Variants in RFX3 observed in about 807,000 individuals in gnomAD.
RFX3 encodes regulatory factor X3, also known as transcription factor RFX3.
A neutral mutation model predicts 98.6 loss-of-function variants in RFX3; 14 were observed. That is an observed-to-expected ratio of 0.14 (90% CI 0.09 to 0.22). The LOEUF is 0.22. Among genes scored for constraint, RFX3 ranks in the 10% least tolerant of loss-of-function variants. RFX3 has a pLI of 1.00. For missense variants in RFX3, 639 were observed against 926.9 expected, an observed-to-expected ratio of 0.69 and a Z score of 4.03; for synonymous variants, 383 against 328.4, an observed-to-expected ratio of 1.17 and a Z score of -1.80.
At chr9:3,332,347 T>A (rs1832692102) in intron 3 of RFX3, among the ~76,000 whole-genome samples, 1 of 152,194 alleles carries the variant, frequency 6.6e-6, no homozygotes, top group African/African-American at 2.4e-5. Context: ...TGAAGGTAAT[T>A]TTATAAAATA....
chr9:3,286,843 T>C (rs1231737872), intron 7 of RFX3, among the ~76,000 whole-genome samples: 1 of 151,934 alleles, frequency 6.6e-6, no homozygotes, highest in Non-Finnish European at 1.5e-5. Flanking sequence ...ACAGACATCA[T>C]GGACTTCACC....
At chr9:3,479,260 C>T (rs1275616607) in intron 1 of RFX3, among the ~76,000 whole-genome samples, 1 of 152,084 alleles carries the variant, frequency 6.6e-6, no homozygotes, top group Non-Finnish European at 1.5e-5. Flanking sequence ...TTATTTTACC[C>T]ATATTTTTGT....
chr9:3,340,700 T>G (rs533936343), intron 3 of RFX3, among the ~76,000 whole-genome samples: 2 of 152,142 alleles, frequency 1.3e-5, no homozygotes, highest in East Asian at 1.9e-4. Context: ...AAAACCACAA[T>G]GAGATACCAT....
chr9:3,388,914 T>A (rs555870310), intron 2 of RFX3, among the ~76,000 whole-genome samples: 1 of 152,178 alleles, frequency 6.6e-6, no homozygotes, highest in South Asian at 2.1e-4. Context: ...AGAAAAAGAT[T>A]TGTGCTCTTC....
At chr9:3,354,890 G>A (rs941640024) in intron 2 of RFX3, among the ~76,000 whole-genome samples, 2 of 151,718 alleles carry the variant, frequency 1.3e-5, no homozygotes, top group African/African-American at 4.8e-5. Context: ...TTCTGACTAT[G>A]TAGAGCAAAA....
chr9:3,505,013 A>C (rs1390415037), intron 1 of RFX3, among the ~76,000 whole-genome samples: 4 of 78,232 alleles, frequency 5.1e-5, no homozygotes, highest in Non-Finnish European at 6.4e-5. Flanking sequence ...TAAAATGTAT[A>C]ATAAAATATT....
chr9:3,350,580 T>G (rs1240962596), intron 2 of RFX3, among the ~76,000 whole-genome samples: 1 of 152,148 alleles, frequency 6.6e-6, no homozygotes, highest in Non-Finnish European at 1.5e-5. Flanking sequence ...CCCAAGGAGT[T>G]GTAAACTTAC....
intron 15 of RFX3, among the ~76,000 whole-genome samples, chr9:3,231,580 AGGGAAGG>A (rs1198613987): frequency 2.0e-5 from 3 of 152,110 alleles, no homozygotes; most frequent in Non-Finnish European, 2.9e-5. Context: ...AGGAAACCTC[AGGGAAGG>A]TTTTAGAAGT....
At chr9:3,477,978 C>G (rs986702434) in intron 1 of RFX3, among the ~76,000 whole-genome samples, 5 of 152,104 alleles carry the variant, frequency 3.3e-5, no homozygotes, top group African/African-American at 1.2e-4. Context: ...AGCTCCAGAA[C>G]TTCCTTGTTT....
At chr9:3,259,066 A>G (rs1244397914) in intron 13 of RFX3, among the ~76,000 whole-genome samples, 2 of 151,974 alleles carry the variant, frequency 1.3e-5, no homozygotes, top group African/African-American at 4.8e-5. Flanking sequence ...TTATTGCATC[A>G]TATACTATTA....
chr9:3,283,886 C>T (rs1670792425), intron 7 of RFX3, among the ~76,000 whole-genome samples: 1 of 151,622 alleles, frequency 6.6e-6, no homozygotes, highest in African/African-American at 2.4e-5. Flanking sequence ...TATCTTACCT[C>T]TTTGAGGGTG....
At chr9:3,440,198 G>A (rs1845496861) in intron 1 of RFX3, among the ~76,000 whole-genome samples, 1 of 152,020 alleles carries the variant, frequency 6.6e-6, no homozygotes, top group African/African-American at 2.4e-5. Context: ...TCGGGAACAA[G>A]ACAGAGATGT....
intron 1 of RFX3, among the ~76,000 whole-genome samples, chr9:3,493,261 T>G (rs919798219): frequency 6.6e-6 from 1 of 152,160 alleles, no homozygotes; most frequent in African/African-American, 2.4e-5. Context: ...CTGTACCATA[T>G]GCTTCCTTTC....
intron 2 of RFX3, 76 bp downstream of exon 2, chr9:3,395,396 T>A: frequency 6.5e-7 from 1 of 1,527,134 alleles, no homozygotes. Context: ...GTTCAAATAA[T>A]TTTTGGATAC....
At chr9:3,387,171 A>G (rs1805888082) in intron 2 of RFX3, among the ~76,000 whole-genome samples, 2 of 152,138 alleles carry the variant, frequency 1.3e-5, no homozygotes, top group Admixed American at 1.3e-4. Context: ...CCTCACTCCC[A>G]AAGACAATCT....
intron 4 of RFX3, among the ~76,000 whole-genome samples, chr9:3,310,070 C>G (rs1393631077): frequency 6.6e-6 from 1 of 152,192 alleles, no homozygotes; most frequent in Non-Finnish European, 1.5e-5. Context: ...TCAGTAAAAC[C>G]TATGCCACTT....
At chr9:3,344,886 C>A in intron 3 of RFX3, 2 of 710,134 alleles carry the variant, frequency 2.8e-6, no homozygotes, top group Non-Finnish European at 5.2e-6. Flanking sequence ...TGGACCTATA[C>A]AACAAATAAG....
At chr9:3,264,258 T>C (rs1373388916) in intron 12 of RFX3, among the ~76,000 whole-genome samples, 5 of 152,204 alleles carry the variant, frequency 3.3e-5, no homozygotes, top group African/African-American at 1.2e-4. Flanking sequence ...ATTTGTTATG[T>C]GCACAATATA....
At chr9:3,238,853 C>T (rs1325261969) in intron 15 of RFX3, among the ~76,000 whole-genome samples, 1 of 151,912 alleles carries the variant, frequency 6.6e-6, no homozygotes, top group South Asian at 2.1e-4. Context: ...ATTAGCTGGG[C>T]GTGGTTGCGC....
Sources: gnomAD v4.1 joint callset for allele counts (sites outside exome capture counted in the v4.1 genomes callset) on GRCh38, gnomAD v4.1.1 for gene constraint, MANE v1.5 for transcripts, NCBI Gene and HGNC (gene_info 2026-07-23, HGNC 2026-07-21) for gene names.